The following NFATC1 variants were observed in gnomAD, a reference collection of about 807,000 sequenced individuals.
NFATC1 encodes nuclear factor of activated T-cells, cytoplasmic 1.
Under a neutral mutation model 76.0 loss-of-function variants are expected in NFATC1, and 22 were observed. The observed-to-expected ratio is 0.29, with a 90% CI of 0.21 to 0.41. The LOEUF (loss-of-function observed/expected upper bound fraction) is 0.41, where lower values mean the gene tolerates loss of function less well. Ranked by LOEUF, NFATC1 falls within the 10% of genes least tolerant of loss-of-function variation. The pLI is 1.00. For missense variants in NFATC1, 1,357 were observed against 1,337.7 expected (o/e 1.01, Z -0.23); for synonymous variants, 704 against 613.1 (o/e 1.15, Z -2.19).
At chr18:79,457,588 A>G (rs1256334351) in intron 6 of NFATC1, among the ~76,000 whole-genome samples, 1 of 152,144 alleles carries the variant, frequency 6.6e-6, no homozygotes, top group African/African-American at 2.4e-5. Context: ...ACACCATTTA[A>G]TTCACTCAAA....
At chr18:79,480,223 A>G (rs2089225538) in intron 8 of NFATC1, among the ~76,000 whole-genome samples, 1 of 152,108 alleles carries the variant, frequency 6.6e-6, no homozygotes, top group Non-Finnish European at 1.5e-5. Context: ...GGCGGAAGAG[A>G]AGCAGTGGGC....
rs1341521768 is a variant in NFATC1 at position 79,478,425 on chromosome 18, A to G, written c.2093-7823A>G. Among the ~76,000 whole-genome samples the G allele has an allele frequency of 2.0e-5, 3 of 152,126 alleles. No homozygotes were observed. In the East Asian group the frequency reaches 5.8e-4, roughly 30 times the overall value. On this transcript the variant is annotated intron_variant, in intron 8 of 9. Transcript: ENST00000427363. ...CCATTAAGAGCTGTGATGAGCCCCC[A>G]GGTCTGCCCTGGGTGAGGGGCTCTG...
intron 9 of NFATC1, among the ~76,000 whole-genome samples, chr18:79,504,566 C>T (rs113235497): frequency 3.9e-5 from 6 of 152,226 alleles, no homozygotes; most frequent in African/African-American, 9.6e-5. Flanking sequence ...AATGAGAAAG[C>T]TTGGAACATC....
chr18:79,474,406 G>A (rs1228973773), intron 8 of NFATC1, among the ~76,000 whole-genome samples: 2 of 144,534 alleles, frequency 1.4e-5, no homozygotes, highest in African/African-American at 2.7e-5. Context: ...TGAGGGAAGC[G>A]TGTTCTCTCA....
intron 2 of NFATC1, among the ~76,000 whole-genome samples, chr18:79,414,557 C>A (rs759913136): frequency 1.3e-5 from 2 of 152,192 alleles, no homozygotes; most frequent in Non-Finnish European, 2.9e-5. Context: ...CAATTGAAGC[C>A]ATGATAATGT....
intron 8 of NFATC1, chr18:79,467,958 A>G: frequency 1.9e-6 from 2 of 1,030,944 alleles, no homozygotes; most frequent in Non-Finnish European, 2.3e-6. Flanking sequence ...AGGTATAGCT[A>G]TTTTGCAGGC....
At position 79,451,828 on chromosome 18, in the gene NFATC1, A is replaced by C. The variant is rs970063953; in HGVS notation, c.1903+12A>C. On this transcript the variant is annotated intron_variant, in intron 6 of 9. Transcript: ENST00000427363. ...GGAGAAAGCCCCAGGTATGCTCTTCACCAGGGGCCATCTGCGGCCTGGGCT... is the reference window on the plus strand; with the variant it reads ...GGAGAAAGCCCCAGGTATGCTCTTCCCCAGGGGCCATCTGCGGCCTGGGCT... The C allele has an allele frequency of 6.3e-7, 1 of 1,595,320 alleles. No homozygotes were observed. The highest frequency in any genetic ancestry group is 1.3e-5 in the African/African-American group (1 of 74,460).
At chr18:79,520,267 G>A (rs1293630400) in intron 9 of NFATC1, among the ~76,000 whole-genome samples, 1 of 151,988 alleles carries the variant, frequency 6.6e-6, no homozygotes, top group Non-Finnish European at 1.5e-5. Flanking sequence ...CAGCCCTCGC[G>A]TGGCGTTGCT....
intron 2 of NFATC1, among the ~76,000 whole-genome samples, chr18:79,424,809 GTCTCTGTCTC>G (rs2086237434): frequency 8.2e-6 from 1 of 121,726 alleles, no homozygotes; most frequent in Non-Finnish European, 1.9e-5. Flanking sequence ...GTGTCTGTCT[GTCTCTGTCTC>G]TCTGTCTCTC....
intron 2 of NFATC1, among the ~76,000 whole-genome samples, chr18:79,412,633 C>T (rs992544720): frequency 1.3e-5 from 2 of 152,112 alleles, no homozygotes; most frequent in Non-Finnish European, 2.9e-5. Flanking sequence ...GGCTGGAGCA[C>T]GCATGGACAG....
intron 1 of NFATC1, among the ~76,000 whole-genome samples, chr18:79,402,955 G>C (rs1490428522): frequency 6.6e-6 from 1 of 152,268 alleles, no homozygotes; most frequent in Non-Finnish European, 1.5e-5. Context: ...TGCAAAGCAA[G>C]GCAAACTGGG....
intron 8 of NFATC1, chr18:79,470,735 C>T (rs2088751208): frequency 6.6e-6 from 1 of 152,474 alleles, no homozygotes; most frequent in Non-Finnish European, 1.5e-5. Flanking sequence ...CCTGTCCCGG[C>T]CCCGCCTCCC....
chr18:79,469,697 C>G (rs2088694916), intron 8 of NFATC1: 2 of 986,010 alleles, frequency 2.0e-6, no homozygotes, highest in Admixed American at 6.1e-5. Flanking sequence ...CAGGCTCACC[C>G]TGGGCACCAG....
At chr18:79,400,492 C>T (rs1482167424) in intron 1 of NFATC1, 1 of 1,427,954 alleles carries the variant, frequency 7.0e-7, no homozygotes, top group Non-Finnish European at 9.2e-7. Context: ...GGGTCAGTCC[C>T]GGAGGGCGCG....
intron 7 of NFATC1, among the ~76,000 whole-genome samples, chr18:79,466,691 C>T (rs1032839493): frequency 1.2e-4 from 19 of 152,248 alleles, no homozygotes; most frequent in African/African-American, 3.6e-4. Flanking sequence ...GTTCCCACCC[C>T]GGGGTCTGCG....
In NFATC1 at chr18:79,458,830, G is replaced by A. The variant is rs180792281; in HGVS notation, c.1904-2481G>A. ...CGCGGCCCTGCGTCTCCTTTCCTGA[G>A]ATGCGAGGTTATTTCCATCTTTCAG... is the stretch of plus-strand genomic sequence containing the variant. On this transcript the variant is annotated intron_variant, in intron 6 of 9. Transcript: ENST00000427363. 1.4e-3 allele frequency among the ~76,000 whole-genome samples: 215 copies of A among 152,388 alleles called. 1 individual carries two copies. Among genetic ancestry groups the A allele is most frequent in the African/African-American group, 4.2e-3 (176 of 41,594 alleles).
chr18:79,497,125 G>T (rs961427618), intron 9 of NFATC1: 6 of 152,300 alleles, frequency 3.9e-5, no homozygotes, highest in Non-Finnish European at 5.9e-5. Context: ...TTTCTTCAGA[G>T]AATTTCTGAC....
chr18:79,459,160 G>A (rs2087915838), intron 6 of NFATC1, among the ~76,000 whole-genome samples: 1 of 152,252 alleles, frequency 6.6e-6, no homozygotes, highest in South Asian at 2.1e-4. Context: ...CACCTGCGCA[G>A]GAATTGCAGG....
intron 2 of NFATC1, among the ~76,000 whole-genome samples, chr18:79,417,923 G>C (rs1217566595): frequency 6.6e-6 from 1 of 150,990 alleles, no homozygotes; most frequent in Non-Finnish European, 1.5e-5. Context: ...GGGCTGTGGT[G>C]GGAGATGGGA....
Sources: allele counts gnomAD v4.1 joint callset (sites outside exome capture counted in the v4.1 genomes callset), GRCh38; gene constraint gnomAD v4.1.1; transcripts MANE v1.5; gene names NCBI Gene and HGNC (gene_info 2026-07-23, HGNC 2026-07-21).